ASTN2: variants seen among roughly 807,000 people sequenced by gnomAD.
ASTN2 encodes astrotactin 2, also known as astrotactin-2.
ASTN2 carries 54 observed loss-of-function variants against 139.8 expected under a neutral mutation model. That is an observed-to-expected ratio of 0.39 (90% CI 0.31 to 0.48). The LOEUF (loss-of-function observed/expected upper bound fraction) is 0.48, where lower values mean the gene tolerates loss of function less well. ASTN2 is among the 20% of genes least tolerant of loss of function. The pLI is 0.95. For synonymous variants in ASTN2, 756 were observed against 719.5 expected (o/e 1.05, Z -0.81); for missense variants, 1,565 against 1,725.1 (o/e 0.91, Z 1.64).
At chr9:117,261,801 T>G (rs979227839) in intron 2 of ASTN2, among the ~76,000 whole-genome samples, 20 of 152,152 alleles carry the variant, frequency 1.3e-4, no homozygotes, top group African/African-American at 4.8e-4. Context: ...AGGGGAAATA[T>G]TCAGTTATGA....
At chr9:117,192,012 T>G (rs1831362395) in intron 3 of ASTN2, among the ~76,000 whole-genome samples, 1 of 152,204 alleles carries the variant, frequency 6.6e-6, no homozygotes, top group Admixed American at 6.5e-5. Context: ...TGGCAATTAA[T>G]GCTGGGAAGT....
At chr9:117,268,384 T>G (rs1051638758) in intron 2 of ASTN2, among the ~76,000 whole-genome samples, 3 of 152,166 alleles carry the variant, frequency 2.0e-5, no homozygotes, top group African/African-American at 7.2e-5. Context: ...AGATCTTAAC[T>G]AAGAGGGAGC....
chr9:116,688,658 G>T (rs1035891998), intron 16 of ASTN2, among the ~76,000 whole-genome samples: 2 of 152,186 alleles, frequency 1.3e-5, no homozygotes, highest in African/African-American at 2.4e-5. Flanking sequence ...ACTGAAAGTG[G>T]TAGGCTTTGG....
At chr9:117,171,164 A>AAAAAG (rs59039654) in intron 3 of ASTN2, among the ~76,000 whole-genome samples, 102,579 of 150,830 alleles carry the variant, frequency 0.68, 35,232 homozygotes, top group Middle Eastern at 0.82. Flanking sequence ...GGCAAAAGAA[A>AAAAAG]AAAAGAAAAG....
At chr9:116,956,063 A>G (rs1254479056) in intron 10 of ASTN2, among the ~76,000 whole-genome samples, 9 of 150,788 alleles carry the variant, frequency 6.0e-5, no homozygotes, top group Admixed American at 4.6e-4. Context: ...CTGCAGACCA[A>G]CTAATCAGAA....
chr9:117,211,937 T>C (rs867138328), intron 3 of ASTN2, among the ~76,000 whole-genome samples: 3 of 6,488 alleles, frequency 4.6e-4, no homozygotes, highest in African/African-American at 8.2e-4. Flanking sequence ...CCTCCCATGC[T>C]CATGCAATCT....
intron 13 of ASTN2, among the ~76,000 whole-genome samples, chr9:116,781,633 C>T (rs757289657): frequency 3.9e-5 from 6 of 152,134 alleles, no homozygotes; most frequent in Non-Finnish European, 8.8e-5. Flanking sequence ...GTGCAAAAAG[C>T]TCATTAGAAA....
chr9:116,565,316 A>G (rs1315612830), intron 19 of ASTN2, among the ~76,000 whole-genome samples: 1 of 147,100 alleles, frequency 6.8e-6, no homozygotes, highest in Non-Finnish European at 1.5e-5. Context: ...TAATGTATGT[A>G]TAATACATTC....
At chr9:117,065,619 A>G (rs893257624) in intron 5 of ASTN2, among the ~76,000 whole-genome samples, 2 of 152,214 alleles carry the variant, frequency 1.3e-5, no homozygotes, top group African/African-American at 4.8e-5. Context: ...ACTAGAGCCA[A>G]TCATACATTT....
chr9:117,161,254 A>G (rs1830544552), intron 3 of ASTN2, among the ~76,000 whole-genome samples: 1 of 151,984 alleles, frequency 6.6e-6, no homozygotes, highest in African/African-American at 2.4e-5. Flanking sequence ...TTGGGAAAGG[A>G]ACACAAAAAT....
chr9:116,766,217 C>T (rs1473886665), intron 13 of ASTN2, among the ~76,000 whole-genome samples: 1 of 152,010 alleles, frequency 6.6e-6, no homozygotes, highest in African/African-American at 2.4e-5. Flanking sequence ...AAACTTGAGC[C>T]CTCTTACCCC....
intron 19 of ASTN2, among the ~76,000 whole-genome samples, chr9:116,498,114 G>GA: frequency 6.6e-6 from 1 of 152,264 alleles, no homozygotes; most frequent in African/African-American, 2.4e-5. Flanking sequence ...TTGTGAAGAA[G>GA]AAAAAAGAGG....
At chr9:117,254,811 C>T (rs1026601571) in intron 2 of ASTN2, among the ~76,000 whole-genome samples, 3 of 151,956 alleles carry the variant, frequency 2.0e-5, no homozygotes, top group Non-Finnish European at 2.9e-5. Flanking sequence ...CTATTCTGTT[C>T]GATTACACAT....
At chr9:117,285,225 C>A (rs1055033290) in intron 2 of ASTN2, among the ~76,000 whole-genome samples, 4 of 151,560 alleles carry the variant, frequency 2.6e-5, no homozygotes, top group Non-Finnish European at 5.9e-5. Flanking sequence ...AGACCACTTT[C>A]AGCAATGAGA....
At chr9:116,938,984 T>C (rs1835153613) in intron 10 of ASTN2, among the ~76,000 whole-genome samples, 1 of 152,226 alleles carries the variant, frequency 6.6e-6, no homozygotes. Context: ...AATAGGACAC[T>C]TCCTATTAGG....
intron 3 of ASTN2, among the ~76,000 whole-genome samples, chr9:117,163,417 C>T (rs1830598329): frequency 6.6e-6 from 1 of 152,072 alleles, no homozygotes; most frequent in Non-Finnish European, 1.5e-5. Flanking sequence ...TACTACTCAA[C>T]AAGTATAAAG....
chr9:116,714,176 T>A (rs1440762400), intron 16 of ASTN2, among the ~76,000 whole-genome samples: 3 of 152,202 alleles, frequency 2.0e-5, no homozygotes, highest in Non-Finnish European at 4.4e-5. Flanking sequence ...TGTGCAAACA[T>A]GCTCCCATGT....
chr9:117,214,194 C>G (rs1026250898), intron 3 of ASTN2, among the ~76,000 whole-genome samples, 164 bp downstream of exon 3: 3 of 152,194 alleles, frequency 2.0e-5, no homozygotes, highest in Non-Finnish European at 4.4e-5. Context: ...ACTGAAGAAT[C>G]AGAGAAGACA....
intron 2 of ASTN2, among the ~76,000 whole-genome samples, chr9:117,232,863 T>G (rs1306267462): frequency 1.3e-5 from 2 of 151,544 alleles, no homozygotes; most frequent in African/African-American, 4.9e-5. Flanking sequence ...GTTCTGAAAT[T>G]TCACTGCAAT....
Sources: gnomAD v4.1 joint callset for allele counts (sites outside exome capture counted in the v4.1 genomes callset) on GRCh38, gnomAD v4.1.1 for gene constraint, MANE v1.5 for transcripts, NCBI Gene and HGNC (gene_info 2026-07-23, HGNC 2026-07-21) for gene names.